The following GABRG3 variants were observed in gnomAD, a reference collection of about 807,000 sequenced individuals.
The protein encoded by GABRG3 is gamma-aminobutyric acid type A receptor subunit gamma3, also known as gamma-aminobutyric acid receptor subunit gamma-3.
GABRG3 carries 25 observed loss-of-function variants against 48.8 expected under a neutral mutation model. That is an observed-to-expected ratio of 0.51 (90% CI 0.37 to 0.72). GABRG3 has a LOEUF of 0.72. Among genes scored for constraint, GABRG3 ranks in the 30% least tolerant of loss-of-function variants. GABRG3 has a pLI of 0.00. For missense variants in GABRG3, 394 were observed against 577.9 expected, an observed-to-expected ratio of 0.68 and a Z score of 3.26; for synonymous variants, 227 against 217.6, an observed-to-expected ratio of 1.04 and a Z score of -0.38.
chr15:27,141,839 T>C (rs6606877), intron 3 of GABRG3, among the ~76,000 whole-genome samples: 126,767 of 152,212 alleles, frequency 0.83, 53,490 homozygotes, highest in Non-Finnish European at 0.88. Context: ...GACGTGTTTT[T>C]GATGATGCAC....
chr15:27,033,620 G>A (rs994475601), intron 3 of GABRG3, among the ~76,000 whole-genome samples: 6 of 151,966 alleles, frequency 3.9e-5, no homozygotes, highest in Non-Finnish European at 5.9e-5. Context: ...TAAAGGATAC[G>A]AATTATGTAT....
chr15:27,093,044 TC>T (rs1256053950), intron 3 of GABRG3, among the ~76,000 whole-genome samples: 2 of 152,058 alleles, frequency 1.3e-5, no homozygotes, highest in Non-Finnish European at 2.9e-5. Context: ...CCCCACGGAC[TC>T]CTCTAGACAG....
At position 27,312,562 on chromosome 15, in the gene GABRG3, C is replaced by G. The variant is rs575281229; in HGVS notation, c.271-14247C>G. Among the ~76,000 whole-genome samples, 4 of 152,170 alleles carry G rather than the reference C, an allele frequency of 2.6e-5. No homozygotes were observed. In the East Asian group the frequency reaches 7.7e-4, roughly 29 times the overall value. Reference sequence around the variant, plus strand: ...CAAGAGAAAAGCAAGTTGTCACACACAAGGACACCCCCATAAAACTGTGAG... The same window carrying G: ...CAAGAGAAAAGCAAGTTGTCACACAGAAGGACACCCCCATAAAACTGTGAG... On this transcript the variant is annotated intron_variant, in intron 3 of 9. Coordinates refer to ENST00000615808, the MANE Select transcript of GABRG3 (RefSeq NM_033223.5).
intron 5 of GABRG3, among the ~76,000 whole-genome samples, chr15:27,357,407 T>C (rs1371918722): frequency 6.6e-6 from 1 of 152,252 alleles, no homozygotes; most frequent in Non-Finnish European, 1.5e-5. Flanking sequence ...CACAAGGCTC[T>C]TAAACATTAT....
At chr15:27,077,079 T>C (rs1019458075) in intron 3 of GABRG3, among the ~76,000 whole-genome samples, 2 of 152,218 alleles carry the variant, frequency 1.3e-5, no homozygotes, top group Admixed American at 1.3e-4. Context: ...TGAAGTTTCA[T>C]GCTTGACCTA....
chr15:27,090,324 A>G (rs772701269), intron 3 of GABRG3, among the ~76,000 whole-genome samples: 63 of 152,256 alleles, frequency 4.1e-4, no homozygotes, highest in Admixed American at 1.6e-3. Flanking sequence ...TATTAAATGC[A>G]TATTTTACTT....
intron 3 of GABRG3, among the ~76,000 whole-genome samples, chr15:27,155,226 A>G (rs1898397210): frequency 1.3e-5 from 2 of 151,938 alleles, no homozygotes; most frequent in Admixed American, 1.3e-4. Flanking sequence ...TAGTGCTAAG[A>G]TTTTCACTGG....
chr15:27,519,351 G>T (rs551645282), intron 6 of GABRG3, among the ~76,000 whole-genome samples: 1 of 152,248 alleles, frequency 6.6e-6, no homozygotes, highest in South Asian at 2.1e-4. Flanking sequence ...TTATGGTGTG[G>T]TTCTGCTTTG....
At chr15:26,980,775 A>G (rs1173518483) in intron 2 of GABRG3, among the ~76,000 whole-genome samples, 2 of 151,058 alleles carry the variant, frequency 1.3e-5, no homozygotes, top group African/African-American at 2.4e-5. Context: ...TACTTCTTTA[A>G]TTTCATCCCA....
At chr15:27,312,725 A>T (rs1893036857) in intron 3 of GABRG3, among the ~76,000 whole-genome samples, 1 of 152,122 alleles carries the variant, frequency 6.6e-6, no homozygotes, top group South Asian at 2.1e-4. Flanking sequence ...AGATGTTCAA[A>T]AGCTGAGAAA....
chr15:27,364,356 C>T lies in GABRG3; in HGVS notation c.574+35468C>T, dbSNP rs147246212. On this transcript the variant is annotated intron_variant, in intron 5 of 9. Coordinates refer to ENST00000615808, the MANE Select transcript of GABRG3 (RefSeq NM_033223.5). ...ATAGGACCCCGCAGGGCAGATGCGC[C>T]TCTACATGACTCCGGGCTGGACTCT... 9.3e-3 allele frequency: 1,415 copies of T among 152,660 alleles called. 26 individuals are homozygous for T. Among genetic ancestry groups the T allele is most frequent in the African/African-American group, 0.033 (1,359 of 41,560 alleles). The allele number at this position is 152,660 out of a possible 1,614,324, so 9.5% of individuals were successfully genotyped here.
intron 6 of GABRG3, among the ~76,000 whole-genome samples, chr15:27,482,255 T>C (rs930187873): frequency 6.6e-6 from 1 of 152,222 alleles, no homozygotes; most frequent in African/African-American, 2.4e-5. Flanking sequence ...ATAATTACAC[T>C]TGTAAGGAAA....
chr15:26,985,092 A>G (rs1234735781), intron 2 of GABRG3, among the ~76,000 whole-genome samples: 1 of 152,248 alleles, frequency 6.6e-6, no homozygotes, highest in Non-Finnish European at 1.5e-5. Flanking sequence ...AATATTCAGT[A>G]TGTGCTGAAG....
chr15:27,293,639 C>G (rs1202766894), intron 3 of GABRG3, among the ~76,000 whole-genome samples: 3 of 151,716 alleles, frequency 2.0e-5, no homozygotes, highest in African/African-American at 7.3e-5. Context: ...GATCATGCCA[C>G]TGTACTCCAG....
chr15:27,265,431 C>T (rs968250892), intron 3 of GABRG3, among the ~76,000 whole-genome samples: 17 of 152,192 alleles, frequency 1.1e-4, no homozygotes, highest in Admixed American at 9.8e-4. Context: ...AATCCTTTAT[C>T]TAAATACTCA....
chr15:27,068,313 G>A (rs960157323), intron 3 of GABRG3, among the ~76,000 whole-genome samples: 1 of 152,234 alleles, frequency 6.6e-6, no homozygotes, highest in Non-Finnish European at 1.5e-5. Context: ...CTGGGCACTG[G>A]GGAAACTGCT....
chr15:27,540,113 A>G lies in GABRG3; in HGVS notation c.*7232A>G, dbSNP rs903218955. 5 of 152,202 alleles carry G rather than the reference A, an allele frequency of 3.3e-5. No individual in the cohort carries two copies. Among genetic ancestry groups the G allele is most frequent in the Admixed American group, 3.3e-4 (5 of 15,280 alleles). The allele number at this position is 152,202 out of a possible 1,614,324, so 9.4% of individuals were successfully genotyped here. Reference sequence around the variant, plus strand: ...AAAGTTTCATTAGAGTTTAAACATTAAGTATACAGATCCTACTCCAAAATT... The same window carrying G: ...AAAGTTTCATTAGAGTTTAAACATTGAGTATACAGATCCTACTCCAAAATT... On this transcript the variant is annotated 3_prime_UTR_variant, in exon 10 of 10. Coordinates refer to ENST00000615808, the MANE Select transcript of GABRG3 (RefSeq NM_033223.5).
chr15:27,011,842 C>T (rs546149005), intron 2 of GABRG3, among the ~76,000 whole-genome samples: 21 of 116,246 alleles, frequency 1.8e-4, no homozygotes, highest in Non-Finnish European at 1.5e-4. Context: ...AGCAAGACTC[C>T]GTCTCAAAAA....
chr15:27,127,551 G>C (rs568103080), intron 3 of GABRG3, among the ~76,000 whole-genome samples: 1 of 152,014 alleles, frequency 6.6e-6, no homozygotes, highest in Non-Finnish European at 1.5e-5. Context: ...AGAAAGCACA[G>C]CTTCTTCTGT....
Sources: allele counts gnomAD v4.1 joint callset (sites outside exome capture counted in the v4.1 genomes callset), GRCh38; gene constraint gnomAD v4.1.1; transcripts MANE v1.5; gene names NCBI Gene and HGNC (gene_info 2026-07-23, HGNC 2026-07-21).